PTPRA: variants seen among roughly 807,000 people sequenced by gnomAD.
The protein encoded by PTPRA is receptor-type tyrosine-protein phosphatase alpha.
In PTPRA, 25 loss-of-function variants were observed where a neutral mutation model predicts 104.8. The observed-to-expected ratio is 0.24, with a 90% CI of 0.17 to 0.33. The LOEUF is 0.33. Ranked by LOEUF, PTPRA falls within the 10% of genes least tolerant of loss-of-function variation. The pLI, the probability that PTPRA is intolerant of heterozygous loss-of-function variation, is 1.00. For missense variants in PTPRA, 765 were observed against 1,015.3 expected (o/e 0.75, Z 3.35); for synonymous variants, 323 against 368.9 (o/e 0.88, Z 1.43).
intron 6 of PTPRA, among the ~76,000 whole-genome samples, chr20:2,980,303 C>A (rs2062617404): frequency 6.6e-6 from 1 of 151,734 alleles, no homozygotes; most frequent in Non-Finnish European, 1.5e-5. Context: ...CACAGTGGCT[C>A]ACACCTATAA....
chr20:2,990,986 C>T (rs1176555596), intron 9 of PTPRA, among the ~76,000 whole-genome samples: 2 of 152,122 alleles, frequency 1.3e-5, no homozygotes, highest in Non-Finnish European at 2.9e-5. Context: ...CAAGAGTTAA[C>T]AGAATAGCTT....
rs775038016 is a variant in PTPRA at position 2,986,827 on chromosome 20, A to G, written c.505A>G (p.Ile169Val). Residue 169 changes from isoleucine (I) to valine (V), a missense_variant, in exon 7 of 24, where the codon ATC becomes GTC. Coordinates refer to ENST00000399903, the MANE Select transcript of PTPRA (RefSeq NM_001385305.1). ...LSSLLVIVFI[I>V]IVLYMLRFKK... The stretch of plus-strand genomic sequence containing the variant: ...CTCTCTGCTAGTGATCGTGTTTATT[A>G]TCATAGTTTTGTACATGTTAAGGTG... The G allele has an allele frequency of 1.2e-6, 2 of 1,611,832 alleles. No homozygotes were observed. The highest frequency in any genetic ancestry group is 1.7e-6 in the Non-Finnish European group (2 of 1,177,920).
chr20:2,907,470 TA>T (rs773367657), intron 1 of PTPRA, among the ~76,000 whole-genome samples: 1 of 152,232 alleles, frequency 6.6e-6, no homozygotes, highest in Non-Finnish European at 1.5e-5. Context: ...TAATTCATGA[TA>T]AATTCAGATA....
At chr20:2,953,554 T>C (rs1257182753) in intron 3 of PTPRA, among the ~76,000 whole-genome samples, 1 of 151,710 alleles carries the variant, frequency 6.6e-6, no homozygotes, top group Admixed American at 6.6e-5. Flanking sequence ...TGCCTGGCCA[T>C]TTTTTATTTT....
chr20:2,914,493 C>T lies in PTPRA; in HGVS notation c.-128-8714C>T, dbSNP rs1358647601. ...TGTGTGTGTGTGTACTGTGAGTTCA[C>T]ACTGGTACCTAGTACCTCAACACCT... is the stretch of plus-strand genomic sequence containing the variant. On this transcript the variant is annotated intron_variant, in intron 1 of 23. Coordinates refer to ENST00000399903, the MANE Select transcript of PTPRA (RefSeq NM_001385305.1). Among the ~76,000 whole-genome samples the T allele has an allele frequency of 4.0e-5, 6 of 150,996 alleles. No homozygotes were observed. In the Admixed American group the frequency reaches 4.0e-4, roughly 10 times the overall value.
chr20:2,945,870 A>G (rs1240495710), intron 2 of PTPRA, among the ~76,000 whole-genome samples: 1 of 151,958 alleles, frequency 6.6e-6, no homozygotes, highest in Non-Finnish European at 1.5e-5. Context: ...TAGAGGTTGC[A>G]GTGAGCTGAG....
At chr20:2,877,750 G>A (rs2089815058) in intron 1 of PTPRA, among the ~76,000 whole-genome samples, 3 of 152,138 alleles carry the variant, frequency 2.0e-5, no homozygotes, top group Admixed American at 2.0e-4. Context: ...ATTTGTGTCA[G>A]TGTACAAGAC....
In PTPRA at chr20:3,022,060, G is replaced by A. The variant is rs766231395; in HGVS notation, c.1168G>A (p.Asp390Asn). The change falls in exon 15 of 24, where the codon GAC becomes AAC. Residue 390 changes from aspartate (D) to asparagine (N), a missense_variant. Asp to Asn is a conservative substitution (Grantham distance 23). Coordinates refer to ENST00000399903, the MANE Select transcript of PTPRA (RefSeq NM_001385305.1). The surrounding 1 kb of genome is among the most constrained non-coding windows in gnomAD (Gnocchi z 4.6). The stretch of plus-strand genomic sequence containing the variant: ...GGATCTCCTCACTTCACAGGTGGGC[G>A]ACATGACCAACAGAAAGCCACAGCG... ...VRKFCIQQVGDMTNRKPQRLI... is the reference protein window; with the variant it reads ...VRKFCIQQVGNMTNRKPQRLI... 2.0e-5 allele frequency: 32 copies of A among 1,613,946 alleles called. No homozygotes were observed. The highest frequency in any genetic ancestry group is 1.6e-4 in the Middle Eastern group (1 of 6,078).
rs1414774524 is a variant in PTPRA at position 2,873,993 on chromosome 20, GC to G, written c.-129+236del. On this transcript the variant is annotated intron_variant, in intron 1 of 23. Coordinates refer to ENST00000399903, the MANE Select transcript of PTPRA (RefSeq NM_001385305.1). The surrounding 1 kb of genome is among the most constrained non-coding windows in gnomAD (Gnocchi z 4.4). ...GCCCGAGTGCCGACCCCTCGCGACT[GC>G]CCAGGAACTTTGCATGCGTCCTTCT... Among the ~76,000 whole-genome samples the G allele has an allele frequency of 6.6e-6, 1 of 152,226 alleles. No homozygotes were observed. The highest frequency in any genetic ancestry group is 1.5e-5 in the Non-Finnish European group (1 of 68,032).
intron 2 of PTPRA, among the ~76,000 whole-genome samples, chr20:2,931,017 A>G (rs2060484337): frequency 6.6e-6 from 1 of 152,172 alleles, no homozygotes; most frequent in Admixed American, 6.5e-5. Context: ...GGTTGGAGAG[A>G]TGTTAGCTGC....
chr20:2,913,142 G>A (rs1341962786), intron 1 of PTPRA, among the ~76,000 whole-genome samples: 3 of 152,102 alleles, frequency 2.0e-5, no homozygotes, highest in African/African-American at 2.4e-5. Context: ...TTAGGATGAC[G>A]AGGTGGGCAG....
Position 2,965,168 on chromosome 20 carries a change from C to T in PTPRA, c.381C>T (p.Thr127=), listed in dbSNP as rs148424565. Residue 127 remains threonine, a synonymous_variant, in exon 5 of 24, where the codon ACC becomes ACT. Transcript: ENST00000399903. The part of the protein sequence containing the change: ...RTEPWEGNSS[T]AATTPETFPP... ...AACCCTGGGAGGGGAATTCCAGCACCGCAGCAACCACTCCAGAAACTTTCC... is the reference window on the plus strand; with the variant it reads ...AACCCTGGGAGGGGAATTCCAGCACTGCAGCAACCACTCCAGAAACTTTCC... The T allele has an allele frequency of 1.5e-5, 24 of 1,613,932 alleles. No homozygotes were observed. Among genetic ancestry groups the T allele is most frequent in the African/African-American group, 5.3e-5 (4 of 75,034 alleles).
intron 20 of PTPRA, among the ~76,000 whole-genome samples, 188 bp downstream of exon 20, chr20:3,028,029 GC>G (rs2065230861): frequency 1.3e-5 from 2 of 152,312 alleles, no homozygotes; most frequent in African/African-American, 4.8e-5. Flanking sequence ...TTCCAGGATT[GC>G]CCAGCCCGTT....
chr20:2,901,946 C>T (rs760007848), intron 1 of PTPRA, among the ~76,000 whole-genome samples: 112 of 151,210 alleles, frequency 7.4e-4, no homozygotes, highest in Non-Finnish European at 1.4e-3. Flanking sequence ...AGTGCAGTGG[C>T]GCAGTCTTAG....
At chr20:3,001,017 G>A (rs1278439842) in intron 9 of PTPRA, among the ~76,000 whole-genome samples, 8 of 151,894 alleles carry the variant, frequency 5.3e-5, no homozygotes, top group Non-Finnish European at 8.8e-5. Context: ...TTTTTTAACC[G>A]ACATGTCTTT....
the PTPRA span, chr20:2,865,618 G>T: frequency 3.4e-6 from 3 of 884,970 alleles, no homozygotes; most frequent in Admixed American, 2.6e-5. This position sits in a 1 kb window ranked among gnomAD's most constrained non-coding sequence, Gnocchi z 5.2. Context: ...CATAGTTAGC[G>T]AGTGCTTCCT....
At chr20:2,896,523 T>C (rs2059008177) in intron 1 of PTPRA, among the ~76,000 whole-genome samples, 1 of 152,248 alleles carries the variant, frequency 6.6e-6, no homozygotes, top group Non-Finnish European at 1.5e-5. Flanking sequence ...TGTTGTACAA[T>C]TGCGTCTTCT....
chr20:2,915,918 G>A (rs1390575257), intron 1 of PTPRA, among the ~76,000 whole-genome samples: 2 of 152,194 alleles, frequency 1.3e-5, no homozygotes, highest in Non-Finnish European at 2.9e-5. Context: ...AGGTTGCAGT[G>A]AGCCGAGATT....
chr20:2,875,914 G>A (rs772115120), intron 1 of PTPRA, among the ~76,000 whole-genome samples: 1 of 152,150 alleles, frequency 6.6e-6, no homozygotes, highest in African/African-American at 2.4e-5. Context: ...AGGAGTTTGC[G>A]CGTGGTGGAC....
Sources: allele counts gnomAD v4.1 joint callset (sites outside exome capture counted in the v4.1 genomes callset), GRCh38; gene constraint gnomAD v4.1.1; non-coding constraint Gnocchi (gnomAD v3.1); transcripts MANE v1.5; gene names NCBI Gene and HGNC (gene_info 2026-07-23, HGNC 2026-07-21).